Variants in OGA observed in about 807,000 individuals in gnomAD.
OGA encodes O-GlcNAcase.
In OGA, 21 loss-of-function variants were observed where a neutral mutation model predicts 102.0. That is an observed-to-expected ratio of 0.21 (90% CI 0.15 to 0.30). The LOEUF is 0.30. Ranked by LOEUF, OGA falls within the 10% of genes least tolerant of loss-of-function variation. The pLI is 1.00. For missense variants in OGA, 765 were observed against 1,107.8 expected, an observed-to-expected ratio of 0.69 and a Z score of 4.39; for synonymous variants, 408 against 378.2, an observed-to-expected ratio of 1.08 and a Z score of -0.91.
intron 4 of OGA, among the ~76,000 whole-genome samples, chr10:101,809,359 T>C (rs1193940404): frequency 2.0e-5 from 3 of 152,190 alleles, no homozygotes; most frequent in Admixed American, 6.5e-5. Context: ...AAACTGAAAT[T>C]TGAGAAGAAC....
intron 12 of OGA, 50 bp downstream of exon 12, chr10:101,792,789 A>C (rs1479379478): frequency 7.6e-7 from 1 of 1,312,150 alleles, no homozygotes; most frequent in South Asian, 1.2e-5. Flanking sequence ...GTTAAGTTTT[A>C]AGTGTGCACC....
chr10:101,798,895 G>A lies in OGA; in HGVS notation c.1756C>T (p.Arg586Ter), dbSNP rs769682602. 1.9e-6 allele frequency: 3 copies of A among 1,614,050 alleles called. No individual in the cohort carries two copies. The highest frequency in any genetic ancestry group is 1.3e-5 in the African/African-American group (1 of 74,996). The change falls in exon 9 of 16, where the codon CGA (arginine) becomes TGA (stop). Residue 586 changes from arginine (R) to a stop codon, truncating the protein, a stop_gained. Coordinates refer to ENST00000361464, the MANE Select transcript of OGA (RefSeq NM_012215.5). LOFTEE classifies it high-confidence loss of function. ...AQMLREFQWL[R>*]ANSSVVSVNC... ...ACACTGACAACACTACTATTTGCTCGAAGCCATTGAAATTCCCGTAACATC... is the reference window on the plus strand; with the variant it reads ...ACACTGACAACACTACTATTTGCTCAAAGCCATTGAAATTCCCGTAACATC...
intron 5 of OGA, among the ~76,000 whole-genome samples, 179 bp from the exon 6 acceptor site, chr10:101,806,322 C>A (rs1446851546): frequency 1.3e-5 from 2 of 152,216 alleles, no homozygotes; most frequent in African/African-American, 4.8e-5. Context: ...CCTGCCTCAG[C>A]CTCCCAAGCA....
intron 8 of OGA, among the ~76,000 whole-genome samples, chr10:101,799,753 A>G (rs1241373198): frequency 2.0e-5 from 3 of 152,262 alleles, no homozygotes; most frequent in African/African-American, 7.2e-5. Flanking sequence ...AGAAATTAGC[A>G]TTCCATCAAA....
rs529039393 is a variant in OGA at position 101,806,392 on chromosome 10, G to T, written c.653-249C>A. On this transcript the variant is annotated intron_variant, in intron 5 of 15. Transcript: ENST00000361464. The stretch of plus-strand genomic sequence containing the variant: ...TAATTTTTTTTTGTATTTTAGTAGA[G>T]ATGGGGTTTCACCATGCTGCCCAGG... Among the ~76,000 whole-genome samples the T allele has an allele frequency of 8.5e-5, 13 of 152,300 alleles. No individual in the cohort carries two copies. In the South Asian group the frequency reaches 2.7e-3, roughly 32 times the overall value.
intron 14 of OGA, chr10:101,787,759 G>GCTCT (rs139475608): frequency 1.8e-4 from 69 of 373,778 alleles, no homozygotes; most frequent in South Asian, 7.8e-4. Context: ...GCGTGCACGC[G>GCTCT]CTCTCTCTCT....
chr10:101,790,824 C>T, intron 14 of OGA, 72 bp downstream of exon 14: 1 of 1,159,230 alleles, frequency 8.6e-7, no homozygotes, highest in Non-Finnish European at 1.2e-6. Context: ...TTAGTAAGTA[C>T]TTTAATAAAA....
chr10:101,790,265 GTTTTT>G (rs869235919), intron 14 of OGA, among the ~76,000 whole-genome samples: 75 of 86,418 alleles, frequency 8.7e-4, no homozygotes, highest in African/African-American at 9.9e-4. Flanking sequence ...ATAATATCTT[GTTTTT>G]TTTTTTTTTT....
intron 10 of OGA, 189 bp downstream of exon 10, chr10:101,797,791 G>A (rs1436672730): frequency 4.9e-6 from 3 of 616,464 alleles, no homozygotes; most frequent in East Asian, 5.5e-5. Context: ...AAAAATTAAT[G>A]TGCTTGATGT....
chr10:101,810,746 T>C (rs1040043948), intron 3 of OGA, among the ~76,000 whole-genome samples: 12 of 152,346 alleles, frequency 7.9e-5, no homozygotes, highest in African/African-American at 2.9e-4. Flanking sequence ...CAGCCGCTGC[T>C]TTTTTATTTT....
Position 101,799,277 on chromosome 10 carries a change from TTTC to T in OGA, c.1371_1373del (p.Lys458del), listed in dbSNP as rs1400026611. 4 of 1,614,198 alleles carry T rather than the reference TTTC, an allele frequency of 2.5e-6. No individual in the cohort carries two copies. Among genetic ancestry groups the T allele is most frequent in the East Asian group, 2.2e-5 (1 of 44,894 alleles). Reference sequence around the variant, plus strand: ...TGTCCATGGGTTCTTCATCAGGCTGTTTCTTTTCTTCTTCCTTGGTCAGAGTAG... The same window carrying T: ...TGTCCATGGGTTCTTCATCAGGCTGTTTTTCTTCTTCCTTGGTCAGAGTAG... On this transcript the variant is annotated inframe_deletion, in exon 9 of 16. Transcript: ENST00000361464.
rs2065357196 is a variant in OGA at position 101,799,130 on chromosome 10, A to G, written c.1521T>C (p.Ala507=). ...TGGACATCTCTGGGGATTTTGATTC[A>G]GCTATGCTCTCTTTATCAGTGTCCA... ...KPMDTDKESI[A]ESKSPEMSMQ... Residue 507 remains alanine, a synonymous_variant, in exon 9 of 16, where the codon GCT becomes GCC. Transcript: ENST00000361464. 1.9e-6 allele frequency: 3 copies of G among 1,614,230 alleles called. No individual in the cohort carries two copies. Among genetic ancestry groups the G allele is most frequent in the Non-Finnish European group, 2.5e-6 (3 of 1,180,042 alleles).
chr10:101,799,444 C>A lies in OGA; in HGVS notation c.1207G>T (p.Ala403Ser), dbSNP rs2065361176. The A allele has an allele frequency of 1.2e-6, 2 of 1,608,486 alleles. No homozygotes were observed. The highest frequency in any genetic ancestry group is 2.2e-5 in the East Asian group (1 of 44,840). Residue 403 changes from alanine to serine, a missense_variant, in exon 9 of 16, where the codon GCA (alanine) becomes TCA (serine). By Grantham distance (99) the Ala-to-Ser change is moderately conservative. Transcript: ENST00000361464. Reference protein sequence around the residue: ...VPHQYSSRQVAHSGAKASVVD... With the variant: ...VPHQYSSRQVSHSGAKASVVD... The stretch of plus-strand genomic sequence containing the variant: ...ACACTTGCTTTAGCTCCACTGTGTG[C>A]AACTTGCCTACCTACAAAAATAAAT...
chr10:101,806,014 A>G, intron 6 of OGA, 31 bp downstream of exon 6: 3 of 1,441,706 alleles, frequency 2.1e-6, no homozygotes, highest in East Asian at 2.3e-5. Context: ...ACTTAATTCA[A>G]CTTTGACTGT....
chr10:101,786,336 G>T lies in OGA; in HGVS notation c.*115C>A, dbSNP rs577789273. Reference sequence around the variant, plus strand: ...AGTTTTACATAGTCTTCTTTGTTTCGAATCCAATTGGCTGATTTGTTACCA... The same window carrying T: ...AGTTTTACATAGTCTTCTTTGTTTCTAATCCAATTGGCTGATTTGTTACCA... On this transcript the variant is annotated 3_prime_UTR_variant, in exon 16 of 16. Coordinates refer to ENST00000361464, the MANE Select transcript of OGA (RefSeq NM_012215.5). The T allele has an allele frequency of 2.2e-5, 24 of 1,104,102 alleles. No homozygotes were observed. The highest frequency in any genetic ancestry group is 1.2e-4 in the Admixed American group (4 of 33,746). The allele number at this position is 1,104,102 out of a possible 1,614,324, so 68.4% of individuals were successfully genotyped here.
At position 101,785,386 on chromosome 10, in the gene OGA, G is replaced by A. The variant is rs2065182070; in HGVS notation, c.*1065C>T. On this transcript the variant is annotated 3_prime_UTR_variant, in exon 16 of 16. Transcript: ENST00000361464. The stretch of plus-strand genomic sequence containing the variant: ...GATTTAATAAAATCAGTAGTAACAG[G>A]TCTTGAGATTAAACAACTGACCTGA... 1 of 152,552 alleles carries A rather than the reference G, an allele frequency of 6.6e-6. No individual in the cohort carries two copies. Among genetic ancestry groups the A allele is most frequent in the African/African-American group, 2.4e-5 (1 of 41,438 alleles). The allele number at this position is 152,552 out of a possible 1,614,324, so 9.4% of individuals were successfully genotyped here. A position where few individuals can be genotyped will look rare whatever the true frequency, so the allele number is the denominator to read the frequency against.
intron 4 of OGA, 134 bp from the exon 5 acceptor site, chr10:101,808,035 T>C (rs2065498935): frequency 1.2e-6 from 1 of 802,350 alleles, no homozygotes; most frequent in African/African-American, 1.8e-5. Flanking sequence ...TGTTTTTACA[T>C]TTTCAATTAA....
chr10:101,812,588 A>C (rs1338094042), intron 3 of OGA, among the ~76,000 whole-genome samples: 1 of 152,256 alleles, frequency 6.6e-6, no homozygotes, highest in Non-Finnish European at 1.5e-5. Context: ...CATTGTGTAC[A>C]TCATGAATTT....
intron 1 of OGA, among the ~76,000 whole-genome samples, chr10:101,815,961 GAGAAAA>G (rs2065617594): frequency 8.4e-5 from 2 of 23,790 alleles, no homozygotes; most frequent in African/African-American, 2.2e-4. Context: ...ATCAAAAAGA[GAGAAAA>G]AAAAAAAAAA....
Sources: gnomAD v4.1 joint callset for allele counts (sites outside exome capture counted in the v4.1 genomes callset) on GRCh38, gnomAD v4.1.1 for gene constraint, MANE v1.5 for transcripts, NCBI Gene and HGNC (gene_info 2026-07-23, HGNC 2026-07-21) for gene names.